The following CSMD1 variants were observed in gnomAD, a reference collection of about 807,000 sequenced individuals.
CSMD1 encodes the protein CUB and Sushi multiple domains 1.
Under a neutral mutation model 417.5 loss-of-function variants are expected in CSMD1, and 213 were observed. That is an observed-to-expected ratio of 0.51 (90% CI 0.46 to 0.57). The LOEUF (loss-of-function observed/expected upper bound fraction) is 0.57, where lower values mean the gene tolerates loss of function less well. CSMD1 is among the 20% of genes least tolerant of loss of function. The pLI is 0.00. For synonymous variants in CSMD1, 2,862 were observed against 1,736.8 expected (o/e 1.65, Z -16.11); for missense variants, 6,923 against 4,529.7 (o/e 1.53, Z -15.17).
chr8:3,679,233 G>C (rs1473619116), intron 7 of CSMD1, among the ~76,000 whole-genome samples: 1 of 152,144 alleles, frequency 6.6e-6, no homozygotes, highest in Non-Finnish European at 1.5e-5. Context: ...ACAAGACGCA[G>C]ACTGGCAAAT....
intron 1 of CSMD1, among the ~76,000 whole-genome samples, chr8:4,893,303 A>G (rs778596628): frequency 2.6e-5 from 4 of 152,078 alleles, no homozygotes; most frequent in Non-Finnish European, 5.9e-5. Context: ...CTCCTTATAT[A>G]TTCTGTAGAG....
At chr8:4,779,237 C>G (rs535583035) in intron 1 of CSMD1, among the ~76,000 whole-genome samples, 1 of 152,154 alleles carries the variant, frequency 6.6e-6, no homozygotes, top group African/African-American at 2.4e-5. Context: ...GTCTCCCAGC[C>G]TCCTGTAGAA....
At chr8:3,284,533 A>T in intron 25 of CSMD1, 187 bp from the exon 26 acceptor site, 1 of 594,018 alleles carries the variant, frequency 1.7e-6, no homozygotes, top group South Asian at 2.0e-5. Flanking sequence ...AGTGTAAATT[A>T]GGATAAAGCA....
intron 3 of CSMD1, among the ~76,000 whole-genome samples, chr8:4,267,720 G>C (rs886276994): frequency 1.3e-5 from 2 of 152,036 alleles, no homozygotes; most frequent in East Asian, 3.9e-4. Flanking sequence ...CCTCACCAAA[G>C]TTCTGAAGAT....
chr8:4,152,844 G>A (rs998362707), intron 3 of CSMD1, among the ~76,000 whole-genome samples: 2 of 152,122 alleles, frequency 1.3e-5, no homozygotes, highest in Non-Finnish European at 2.9e-5. Flanking sequence ...GTATGTATGT[G>A]CATGTGTATT....
At chr8:4,367,260 C>T (rs747355382) in intron 3 of CSMD1, among the ~76,000 whole-genome samples, 15 of 151,984 alleles carry the variant, frequency 9.9e-5, no homozygotes, top group Admixed American at 3.9e-4. Flanking sequence ...TAAGTCCAGC[C>T]GGGCCAGACT....
chr8:3,783,049 T>A (rs1390768125), intron 5 of CSMD1, among the ~76,000 whole-genome samples: 2 of 152,160 alleles, frequency 1.3e-5, no homozygotes, highest in African/African-American at 4.8e-5. Flanking sequence ...GTACTGACAC[T>A]TCCTACTGTT....
chr8:4,378,620 T>C (rs1201158057), intron 3 of CSMD1, among the ~76,000 whole-genome samples: 2 of 152,044 alleles, frequency 1.3e-5, no homozygotes, highest in South Asian at 2.1e-4. Flanking sequence ...AAAACAAGAG[T>C]TTGAAGACAA....
At chr8:4,364,844 A>G (rs1801974972) in intron 3 of CSMD1, among the ~76,000 whole-genome samples, 1 of 141,366 alleles carries the variant, frequency 7.1e-6, no homozygotes, top group Non-Finnish European at 1.5e-5. Context: ...AAAAAAAAAA[A>G]AAAAAAAAAA....
intron 10 of CSMD1, among the ~76,000 whole-genome samples, chr8:3,544,711 T>C (rs918363221): frequency 2.0e-5 from 3 of 152,102 alleles, no homozygotes; most frequent in Non-Finnish European, 4.4e-5. Context: ...GAAGCTTGAC[T>C]AGACGGGGTT....
chr8:4,321,545 A>T (rs535337879), intron 3 of CSMD1, among the ~76,000 whole-genome samples: 1 of 152,170 alleles, frequency 6.6e-6, no homozygotes, highest in African/African-American at 2.4e-5. Context: ...AGTATCTGGT[A>T]TATCACAGAT....
chr8:4,349,254 C>A (rs1042356772), intron 3 of CSMD1, among the ~76,000 whole-genome samples: 1 of 152,136 alleles, frequency 6.6e-6, no homozygotes, highest in East Asian at 1.9e-4. Flanking sequence ...GTATTTGGTA[C>A]AGACCAGTGG....
chr8:3,025,912 A>G (rs1465094078), intron 51 of CSMD1, among the ~76,000 whole-genome samples: 1 of 152,196 alleles, frequency 6.6e-6, no homozygotes, highest in Non-Finnish European at 1.5e-5. Flanking sequence ...TTTTAAAATA[A>G]TAATAGTTTT....
intron 2 of CSMD1, among the ~76,000 whole-genome samples, chr8:4,622,978 A>C (rs1043015636): frequency 2.6e-5 from 4 of 152,198 alleles, no homozygotes; most frequent in Admixed American, 6.5e-5. Flanking sequence ...GTCACATGAA[A>C]TCAGGAAACA....
intron 5 of CSMD1, among the ~76,000 whole-genome samples, chr8:3,886,975 T>C (rs1350257986): frequency 6.6e-6 from 1 of 152,196 alleles, no homozygotes; most frequent in African/African-American, 2.4e-5. Flanking sequence ...AAATGCATTA[T>C]GAACACTTAG....
rs549124419 is a variant in CSMD1 at position 3,170,631 on chromosome 8, T to C, written c.5726-8354A>G. ...TGTAGCATGAGCTCCTAAAGATTGA[T>C]CTTGAATGGCCATTGTGAATTTAAT... On this transcript the variant is annotated intron_variant, in intron 37 of 69. Transcript: ENST00000635120. Among the ~76,000 whole-genome samples, 8 of 152,336 alleles carry C rather than the reference T, an allele frequency of 5.3e-5. No individual in the cohort carries two copies. In the East Asian group the frequency reaches 1.5e-3, roughly 29 times the overall value.
Position 2,999,718 on chromosome 8 carries a change from A to C in CSMD1, c.8203+240T>G, listed in dbSNP as rs560790728. On this transcript the variant is annotated intron_variant, in intron 53 of 69. Coordinates refer to ENST00000635120, the MANE Select transcript of CSMD1 (RefSeq NM_033225.6). ...AGGGATCCATTTACAATGAATTGAT[A>C]AGCAAATTAAATGTGGAGTCAGGAA... 6.2e-4 allele frequency among the ~76,000 whole-genome samples: 94 copies of C among 152,164 alleles called. 1 individual carries two copies. Among genetic ancestry groups the C allele is most frequent in the Non-Finnish European group, 1.1e-3 (77 of 68,030 alleles).
At chr8:3,814,738 T>C (rs1056568604) in intron 5 of CSMD1, among the ~76,000 whole-genome samples, 3 of 152,210 alleles carry the variant, frequency 2.0e-5, no homozygotes, top group Non-Finnish European at 4.4e-5. Context: ...AACTTAGGTA[T>C]GAATCCACAA....
At chr8:3,372,748 T>C (rs574164739) in intron 18 of CSMD1, among the ~76,000 whole-genome samples, 17 of 152,224 alleles carry the variant, frequency 1.1e-4, no homozygotes, top group Admixed American at 6.5e-4. Context: ...GCCTGTAGAA[T>C]GGCCGACATT....
Sources: gnomAD v4.1 joint callset for allele counts (sites outside exome capture counted in the v4.1 genomes callset) on GRCh38, gnomAD v4.1.1 for gene constraint, MANE v1.5 for transcripts, NCBI Gene and HGNC (gene_info 2026-07-23, HGNC 2026-07-21) for gene names.